MRPL4: variants seen among roughly 807,000 people sequenced by gnomAD.
MRPL4 encodes the protein large ribosomal subunit protein uL4m.
MRPL4 carries 34 observed loss-of-function variants against 34.1 expected under a neutral mutation model. The observed-to-expected ratio is 1.00, with a 90% confidence interval of 0.76 to 1.33. MRPL4 has a LOEUF of 1.33. Ranked by LOEUF, MRPL4 falls within the 40% of genes most tolerant of loss-of-function variation. The pLI, the probability that MRPL4 is intolerant of heterozygous loss-of-function variation, is 0.00. For missense variants in MRPL4, 402 were observed against 434.6 expected, an observed-to-expected ratio of 0.92 and a Z score of 0.67; for synonymous variants, 196 against 188.3, an observed-to-expected ratio of 1.04 and a Z score of -0.33.
At chr19:10,255,565 G>GT (rs2145469368) in intron 4 of MRPL4, 1 of 152,788 alleles carries the variant, frequency 6.5e-6, no homozygotes, top group South Asian at 2.1e-4. Context: ...AAGGAAGCCA[G>GT]TGTTGCCACA....
intron 8 of MRPL4, 30 bp downstream of exon 8, chr19:10,258,715 C>T (rs763811374): frequency 1.5e-5 from 24 of 1,613,932 alleles, no homozygotes; most frequent in Middle Eastern, 3.3e-4. Flanking sequence ...CCCTAGAGTG[C>T]GCATGTGCAG....
chr19:10,252,024 T>C, upstream of MRPL4: 1 of 542,186 alleles, frequency 1.8e-6, no homozygotes, highest in Non-Finnish European at 3.2e-6. Context: ...CGTTCCCCAG[T>C]GTTACGGAGG....
chr19:10,259,081 G>T (rs2039881307), intron 8 of MRPL4: 5 of 1,213,432 alleles, frequency 4.1e-6, no homozygotes, highest in Non-Finnish European at 5.0e-6. Context: ...CCTGGGGAGA[G>T]AGCTAGACTC....
At chr19:10,256,846 G>A in intron 5 of MRPL4, 21 bp downstream of exon 5, 1 of 1,235,152 alleles carries the variant, frequency 8.1e-7, no homozygotes, top group Non-Finnish European at 1.1e-6. Flanking sequence ...AGGGTGGAGG[G>A]GGCGGGGAGG....
chr19:10,253,359 G>C (rs936554703), intron 3 of MRPL4, among the ~76,000 whole-genome samples: 3 of 150,378 alleles, frequency 2.0e-5, no homozygotes, highest in Non-Finnish European at 4.4e-5. Context: ...GGCGTCTGTA[G>C]TCCCAGGTAC....
chr19:10,259,088 A>C, intron 8 of MRPL4: 7 of 1,196,706 alleles, frequency 5.8e-6, no homozygotes, highest in Non-Finnish European at 7.1e-6. Flanking sequence ...AGAGAGCTAG[A>C]CTCTTGTCTC....
rs1436391877 is a variant in MRPL4 at position 10,258,529 on chromosome 19, G to T, written c.662+7G>T. On this transcript the variant is annotated splice_region_variant and intron_variant, in intron 7 of 8. Coordinates refer to ENST00000253099, the MANE Select transcript of MRPL4 (RefSeq NM_015956.3). ...CCGTACTCCTCGTGGACTTGTGAGG[G>T]CACAGGGCAGAGCAGGGGCAGGGGG... The T allele has an allele frequency of 6.2e-7, 1 of 1,613,988 alleles. No homozygotes were observed. Among genetic ancestry groups the T allele is most frequent in the South Asian group, 1.1e-5 (1 of 91,084 alleles).
At chr19:10,252,159 C>A, upstream of MRPL4, 2 of 1,401,238 alleles carry the variant, frequency 1.4e-6, no homozygotes, top group Non-Finnish European at 1.9e-6. Context: ...GGAGTCGCGG[C>A]GGGTAGGGCG....
In MRPL4 at chr19:10,259,303, C is replaced by T. The variant is rs556835691; in HGVS notation, c.740-314C>T. 199 of 1,379,016 alleles carry T rather than the reference C, an allele frequency of 1.4e-4. No homozygotes were observed. In the African/African-American group the frequency reaches 1.5e-3, roughly 10 times the overall value. 85.4% of individuals were successfully genotyped at this position (1,379,016 alleles called of 1,614,324 possible). ...ACGTCAGGCCCTGCACGATGTGCCC[C>T]GTCACCTCCCTGCCCTCCCGTCATT... On this transcript the variant is annotated intron_variant, in intron 8 of 8. Coordinates refer to ENST00000253099, the MANE Select transcript of MRPL4 (RefSeq NM_015956.3).
chr19:10,256,806 C>A lies in MRPL4; in HGVS notation c.426C>A (p.Arg142=), dbSNP rs1257786286. The change falls in exon 5 of 9, where the codon CGC becomes CGA. Residue 142 remains arginine (R), a synonymous_variant. Transcript: ENST00000253099. ...GGCGGGCCCGGCATGGCAGCATCCG[C>A]TCTCCGCTCTGGCGAGGAGGTAACA... is the stretch of plus-strand genomic sequence containing the variant. ...GTGRARHGSI[R]SPLWRGGGVA... 7.8e-6 allele frequency: 12 copies of A among 1,534,900 alleles called. No homozygotes were observed. Among genetic ancestry groups the A allele is most frequent in the Non-Finnish European group, 1.1e-5 (12 of 1,140,938 alleles).
chr19:10,258,874 G>C, intron 8 of MRPL4, 189 bp downstream of exon 8: 2 of 1,500,238 alleles, frequency 1.3e-6, no homozygotes, highest in Non-Finnish European at 8.8e-7. Flanking sequence ...GGTGGCTCAC[G>C]CTTGTAATCC....
In MRPL4 at chr19:10,259,936, C is replaced by T. The variant is rs2039897186; in HGVS notation, c.*123C>T. On this transcript the variant is annotated 3_prime_UTR_variant, in exon 9 of 9. Coordinates refer to ENST00000253099, the MANE Select transcript of MRPL4 (RefSeq NM_015956.3). ...CATTCCACGGAGGAAGCTGAGGCCA[C>T]AGGGAGCGGCCATCGCCATTGGGAA... 2 of 875,430 alleles carry T rather than the reference C, an allele frequency of 2.3e-6. No homozygotes were observed. The highest frequency in any genetic ancestry group is 1.7e-6 in the Non-Finnish European group (1 of 599,336). The allele number at this position is 875,430 out of a possible 1,614,324, so 54.2% of individuals were successfully genotyped here.
At chr19:10,259,174 A>C in intron 8 of MRPL4, 2 of 1,187,938 alleles carry the variant, frequency 1.7e-6, no homozygotes, top group East Asian at 8.9e-5. Context: ...TTCCACAGCC[A>C]CAAGATGGCG....
At chr19:10,256,866 G>GCC in intron 5 of MRPL4, 41 bp downstream of exon 5, 4 of 378,356 alleles carry the variant, frequency 1.1e-5, no homozygotes, top group Non-Finnish European at 1.5e-5. Context: ...GGGTGGGGGG[G>GCC]CCAGGGAAGG....
rs201628682 is a variant in MRPL4 at position 10,256,746 on chromosome 19, C to T, written c.366C>T (p.Gly122=). 6.8e-5 allele frequency: 107 copies of T among 1,569,784 alleles called. No individual in the cohort carries two copies. The East Asian group carries it at 2.0e-3, about 29-fold the overall frequency. Residue 122 remains glycine, a synonymous_variant, in exon 5 of 9, where the codon GGC becomes GGT. Coordinates refer to ENST00000253099, the MANE Select transcript of MRPL4 (RefSeq NM_015956.3). ...CCAAGACGAGAGCCGAGGTGCGGGG[C>T]GGTGGCCGGAAGCCTTGGCCGCAGA... is the stretch of plus-strand genomic sequence containing the variant. The part of the protein sequence containing the change: ...AKTKTRAEVR[G]GGRKPWPQKG...
chr19:10,258,666 C>T lies in MRPL4; in HGVS notation c.720C>T (p.Phe240=). 1.2e-6 allele frequency: 2 copies of T among 1,614,154 alleles called. No homozygotes were observed. The highest frequency in any genetic ancestry group is 2.2e-5 in the South Asian group (2 of 91,086). Residue 240 remains phenylalanine, a synonymous_variant, in exon 8 of 9, where the codon TTC becomes TTT. Transcript: ENST00000253099. ...AGGCCACCTCTAGGCTTAAGACCTT[C>T]AACTTGATCCCGGCTGTTGGTGAGC... The part of the protein sequence containing the change: ...IVEATSRLKT[F]NLIPAVGLNV...
At chr19:10,259,219 A>G (rs1599255193) in intron 8 of MRPL4, 1 of 1,307,252 alleles carries the variant, frequency 7.6e-7, no homozygotes, top group Non-Finnish European at 9.7e-7. Flanking sequence ...CCCTCAACCC[A>G]CGCCCCTCGC....
chr19:10,254,259 C>T (rs2039827105), intron 3 of MRPL4, among the ~76,000 whole-genome samples: 1 of 152,206 alleles, frequency 6.6e-6, no homozygotes, highest in Non-Finnish European at 1.5e-5. Flanking sequence ...TCAAGTGATC[C>T]ACCTGCCTTG....
Position 10,252,473 on chromosome 19 carries a change from C to G in MRPL4, c.124+10C>G. ...CAGGTGGCGAGCGAGGGTAAGGCAACCGGGGTGGCTCCAGGAGGGGCGGCG... is the reference window on the plus strand; with the variant it reads ...CAGGTGGCGAGCGAGGGTAAGGCAAGCGGGGTGGCTCCAGGAGGGGCGGCG... On this transcript the variant is annotated intron_variant, in intron 2 of 8. Transcript: ENST00000253099. 1 of 1,613,892 alleles carries G rather than the reference C, an allele frequency of 6.2e-7. No individual in the cohort carries two copies. Among genetic ancestry groups the G allele is most frequent in the Non-Finnish European group, 8.5e-7 (1 of 1,179,936 alleles).
Sources: gnomAD v4.1 joint callset for allele counts (sites outside exome capture counted in the v4.1 genomes callset) on GRCh38, gnomAD v4.1.1 for gene constraint, MANE v1.5 for transcripts, NCBI Gene and HGNC (gene_info 2026-07-23, HGNC 2026-07-21) for gene names.